Variants in TAOK1 observed in about 807,000 individuals in gnomAD.
The protein encoded by TAOK1 is TAO kinase 1.
Under a neutral mutation model 138.3 loss-of-function variants are expected in TAOK1, and 21 were observed. The ratio of observed to expected loss-of-function variants is 0.15; its 90% CI spans 0.11 to 0.22. The LOEUF (loss-of-function observed/expected upper bound fraction) is 0.22. Ranked by LOEUF, TAOK1 falls within the 10% of genes least tolerant of loss-of-function variation. TAOK1 has a pLI of 1.00. For synonymous variants in TAOK1, 361 were observed against 398.4 expected (o/e 0.91, Z 1.12); for missense variants, 651 against 1,227.7 (o/e 0.53, Z 7.02).
Position 29,467,054 on chromosome 17 carries a change from G to A in TAOK1, c.133-91G>A, listed in dbSNP as rs183667293. The A allele has an allele frequency of 6.4e-6, 6 of 938,376 alleles. No individual in the cohort carries two copies. The Admixed American group carries it at 7.8e-5, about 12-fold the overall frequency. The allele number at this position is 938,376 out of a possible 1,614,324, so 58.1% of individuals were successfully genotyped here. A position where few individuals can be genotyped will look rare whatever the true frequency, so the allele number is the denominator to read the frequency against. On this transcript the variant is annotated intron_variant, in intron 2 of 19. Transcript: ENST00000261716. The stretch of plus-strand genomic sequence containing the variant: ...TTTTGATGTCCTTTTTGACATGGTA[G>A]TTTACAAATGCTTTTATATTCGCAA...
At chr17:29,491,936 G>A in intron 10 of TAOK1, 71 bp downstream of exon 10, 1 of 1,153,128 alleles carries the variant, frequency 8.7e-7, no homozygotes, top group Non-Finnish European at 1.3e-6. Context: ...CCAGGCTGGA[G>A]TGGCAGTGGC....
chr17:29,422,497 C>A (rs1258936758), intron 1 of TAOK1, among the ~76,000 whole-genome samples: 1 of 152,088 alleles, frequency 6.6e-6, no homozygotes, highest in Non-Finnish European at 1.5e-5. Flanking sequence ...GCATTACAGG[C>A]GTGAGCCACT....
At chr17:29,541,150 C>T (rs111508261) in intron 19 of TAOK1, among the ~76,000 whole-genome samples, 26,230 of 151,922 alleles carry the variant, frequency 0.17, 2,321 homozygotes, top group Admixed American at 0.22. Flanking sequence ...CAGTCTGTCG[C>T]CGAGGCTGGA....
At chr17:29,482,743 T>C (rs1339629233) in intron 8 of TAOK1, among the ~76,000 whole-genome samples, 1 of 144,708 alleles carries the variant, frequency 6.9e-6, no homozygotes, top group Admixed American at 6.9e-5. Context: ...TATATACATA[T>C]TTTTTTTTTT....
chr17:29,418,537 C>G (rs1010016257), intron 1 of TAOK1, among the ~76,000 whole-genome samples: 1 of 152,080 alleles, frequency 6.6e-6, no homozygotes, highest in Non-Finnish European at 1.5e-5. Context: ...TCCTTGGTAT[C>G]TGTGTGGGAT....
At chr17:29,429,972 T>C (rs1905773525) in intron 1 of TAOK1, among the ~76,000 whole-genome samples, 3 of 152,216 alleles carry the variant, frequency 2.0e-5, no homozygotes. Flanking sequence ...CTTGTAATTT[T>C]ACTTTAGTAT....
At chr17:29,447,635 G>A (rs772852264) in intron 1 of TAOK1, among the ~76,000 whole-genome samples, 2 of 151,666 alleles carry the variant, frequency 1.3e-5, no homozygotes, top group African/African-American at 2.4e-5. Flanking sequence ...TACCTCACCC[G>A]GCCTTTTTAT....
At chr17:29,513,320 A>G (rs1381655845) in intron 15 of TAOK1, 1 of 152,008 alleles carries the variant, frequency 6.6e-6, no homozygotes, top group East Asian at 1.9e-4. Context: ...TTTGCAGTAT[A>G]CTCCCATGAC....
At chr17:29,465,836 G>GTTT (rs2030650304) in intron 2 of TAOK1, among the ~76,000 whole-genome samples, 4 of 13,600 alleles carry the variant, frequency 2.9e-4, no homozygotes, top group Admixed American at 6.2e-4. Context: ...AAGTTTCTGT[G>GTTT]CTTTTTTTTT....
Position 29,390,829 on chromosome 17 carries a change from C to A in TAOK1, c.-290C>A, listed in dbSNP as rs866016025. On this transcript the variant is annotated 5_prime_UTR_variant, in exon 1 of 20. Transcript: ENST00000261716. ...CGACCCCGGTCGTCCCCTCGCCCCC[C>A]CCCCCACCCCCCGCCGCCGCCGCCC... The A allele has an allele frequency of 2.0e-5, 3 of 150,866 alleles. No homozygotes were observed. Among genetic ancestry groups the A allele is most frequent in the African/African-American group, 7.3e-5 (3 of 41,258 alleles). 9.3% of individuals were successfully genotyped at this position (150,866 alleles called of 1,614,324 possible). A position where few individuals can be genotyped will look rare whatever the true frequency, so the allele number is the denominator to read the frequency against.
chr17:29,511,079 A>G, intron 15 of TAOK1, 87 bp downstream of exon 15: 2 of 1,315,484 alleles, frequency 1.5e-6, no homozygotes, highest in Admixed American at 2.6e-5. Flanking sequence ...ATTAGGATAA[A>G]ATTATCTTTT....
intron 4 of TAOK1, among the ~76,000 whole-genome samples, chr17:29,476,713 C>T (rs943383026): frequency 6.6e-6 from 1 of 152,144 alleles, no homozygotes; most frequent in Admixed American, 6.5e-5. Flanking sequence ...AACCTGGGCA[C>T]ATCCACCTAT....
At chr17:29,534,628 C>T (rs916001263) in intron 19 of TAOK1, among the ~76,000 whole-genome samples, 5 of 152,092 alleles carry the variant, frequency 3.3e-5, no homozygotes, top group African/African-American at 1.2e-4. Flanking sequence ...CTTGCTCTAC[C>T]TAAGGAGGTT....
chr17:29,465,837 C>CCTT (rs2030650651), intron 2 of TAOK1, among the ~76,000 whole-genome samples: 2 of 45,434 alleles, frequency 4.4e-5, no homozygotes, highest in East Asian at 2.1e-3. Flanking sequence ...AGTTTCTGTG[C>CCTT]TTTTTTTTTT....
At chr17:29,428,780 C>G (rs1045721914) in intron 1 of TAOK1, among the ~76,000 whole-genome samples, 16 of 136,784 alleles carry the variant, frequency 1.2e-4, no homozygotes, top group African/African-American at 3.8e-4. Flanking sequence ...CGCACCACAA[C>G]ACCTGACTAA....
In TAOK1 at chr17:29,543,008, A is replaced by G; in HGVS notation, c.2992A>G (p.Met998Val). 6.3e-7 allele frequency: 1 copy of G among 1,596,880 alleles called. No individual in the cohort carries two copies. Among genetic ancestry groups the G allele is most frequent in the Non-Finnish European group, 8.6e-7 (1 of 1,169,556 alleles). The stretch of plus-strand genomic sequence containing the variant: ...TTCACAAATATCCAATGGGTCACAC[A>G]TGTCTTATACATAACTTAATAATTG... Reference protein sequence around the residue: ...VTSQISNGSHMSYT With the variant: ...VTSQISNGSHVSYT Residue 998 changes from methionine to valine, a missense_variant, in exon 20 of 20, where the codon ATG becomes GTG. This residue lies in a region of TAOK1 where 108 missense variants were observed against 120.3 expected (regional missense o/e 0.90). Coordinates refer to ENST00000261716, the MANE Select transcript of TAOK1 (RefSeq NM_020791.4).
At chr17:29,473,521 C>T (rs761872614) in intron 3 of TAOK1, among the ~76,000 whole-genome samples, 1 of 151,196 alleles carries the variant, frequency 6.6e-6, no homozygotes, top group Non-Finnish European at 1.5e-5. Context: ...AATGCTTGAA[C>T]CCAGGAGGCA....
chr17:29,406,800 T>C (rs763219992), intron 1 of TAOK1, among the ~76,000 whole-genome samples: 1 of 152,200 alleles, frequency 6.6e-6, no homozygotes, highest in Non-Finnish European at 1.5e-5. Flanking sequence ...ACTCCCGGGC[T>C]AAAGTGATCC....
At chr17:29,487,029 A>G (rs1426830502) in intron 8 of TAOK1, among the ~76,000 whole-genome samples, 1 of 152,140 alleles carries the variant, frequency 6.6e-6, no homozygotes, top group Admixed American at 6.5e-5. Flanking sequence ...CGGGCAGATC[A>G]CCTGAGGTCA....
Sources: gnomAD v4.1 joint callset for allele counts (sites outside exome capture counted in the v4.1 genomes callset) on GRCh38, gnomAD v4.1.1 for gene constraint, gnomAD v4.1.1 regional missense constraint, MANE v1.5 for transcripts, NCBI Gene and HGNC (gene_info 2026-07-23, HGNC 2026-07-21) for gene names.